CENPS: variants seen among roughly 807,000 people sequenced by gnomAD.
CENPS encodes FANCM associated histone fold protein 1.
CENPS carries 16 observed loss-of-function variants against 17.9 expected under a neutral mutation model. The observed-to-expected ratio is 0.90, with a 90% CI of 0.61 to 1.36. The LOEUF is 1.36. CENPS is among the 40% of genes most tolerant of loss of function. The pLI is 0.00. For missense variants in CENPS, 160 were observed against 158.6 expected (o/e 1.01, Z -0.05); for synonymous variants, 49 against 55.8 (o/e 0.88, Z 0.54).
intron 1 of CENPS, chr1:10,431,124 G>A (rs1193297344): frequency 8.5e-6 from 12 of 1,418,184 alleles, no homozygotes; most frequent in African/African-American, 2.9e-5. Flanking sequence ...CTGCAAAATC[G>A]TCATAAGAAT....
intron 3 of CENPS, among the ~76,000 whole-genome samples, chr1:10,436,915 C>CA (rs1388560721): frequency 1.3e-5 from 2 of 151,994 alleles, no homozygotes; most frequent in Non-Finnish European, 2.9e-5. Context: ...TGCTTTCATA[C>CA]AAAAAAGCAT....
chr1:10,442,498 A>G lies in CENPS; in HGVS notation c.*93A>G. 1 of 1,378,488 alleles carries G rather than the reference A, an allele frequency of 7.3e-7. No individual in the cohort carries two copies. Among genetic ancestry groups the G allele is most frequent in the Admixed American group, 3.0e-5 (1 of 33,600 alleles). 85.4% of individuals were successfully genotyped at this position (1,378,488 alleles called of 1,614,324 possible). A position where few individuals can be genotyped will look rare whatever the true frequency, so the allele number is the denominator to read the frequency against. On this transcript the variant is annotated 3_prime_UTR_variant, in exon 5 of 5. Transcript: ENST00000309048. ...AAGGAAACTTTGAAGGGTTAAATAGAGATTTAAAAAAATAAAATAAAAAGG... is the reference window on the plus strand; with the variant it reads ...AAGGAAACTTTGAAGGGTTAAATAGGGATTTAAAAAAATAAAATAAAAAGG...
chr1:10,442,675 C>A lies in CENPS; in HGVS notation c.*270C>A. On this transcript the variant is annotated 3_prime_UTR_variant, in exon 5 of 5. Transcript: ENST00000309048. Reference sequence around the variant, plus strand: ...ATCAAATGGTATATATTAGAAATTACATCTGTTGTAATTAAAATTGTGTGA... The same window carrying A: ...ATCAAATGGTATATATTAGAAATTAAATCTGTTGTAATTAAAATTGTGTGA... 2.9e-6 allele frequency: 1 copy of A among 350,458 alleles called. No individual in the cohort carries two copies. Among genetic ancestry groups the A allele is most frequent in the Non-Finnish European group, 4.7e-6 (1 of 214,242 alleles). The allele number at this position is 350,458 out of a possible 1,614,324, so 21.7% of individuals were successfully genotyped here. A position where few individuals can be genotyped will look rare whatever the true frequency, so the allele number is the denominator to read the frequency against.
chr1:10,438,525 G>A (rs1014510710), intron 3 of CENPS, among the ~76,000 whole-genome samples: 5 of 152,156 alleles, frequency 3.3e-5, no homozygotes, highest in Admixed American at 3.3e-4. Context: ...GAAGAAGATA[G>A]ATATTCTATA....
chr1:10,438,050 C>T (rs150900984), intron 3 of CENPS, among the ~76,000 whole-genome samples: 1,661 of 152,296 alleles, frequency 0.011, 34 homozygotes, highest in African/African-American at 0.038. Flanking sequence ...GTGTGATCCA[C>T]CATGCCTGGC....
intron 1 of CENPS, among the ~76,000 whole-genome samples, chr1:10,431,563 A>G (rs554147357): frequency 6.6e-6 from 1 of 152,224 alleles, no homozygotes; most frequent in Admixed American, 6.5e-5. Flanking sequence ...ATCTCCCAAA[A>G]ACAAGGCATT....
intron 3 of CENPS, among the ~76,000 whole-genome samples, chr1:10,438,376 C>G (rs774440276): frequency 5.3e-5 from 8 of 152,192 alleles, no homozygotes; most frequent in Non-Finnish European, 1.0e-4. Context: ...AACTCCTGAC[C>G]TCAAATGATC....
chr1:10,442,421 G>A lies in CENPS; in HGVS notation c.*16G>A, dbSNP rs1640457043. On this transcript the variant is annotated 3_prime_UTR_variant, in exon 5 of 5. Coordinates refer to ENST00000309048, the MANE Select transcript of CENPS (RefSeq NM_199294.3). ...TGAGAATTAAAGTCCCTCGCCGCTT[G>A]GAAAGTGCAGCCTTCTACAGGTAGA... is the stretch of plus-strand genomic sequence containing the variant. 1 of 1,560,152 alleles carries A rather than the reference G, an allele frequency of 6.4e-7. No individual in the cohort carries two copies. The highest frequency in any genetic ancestry group is 1.4e-5 in the African/African-American group (1 of 71,378).
intron 3 of CENPS, among the ~76,000 whole-genome samples, chr1:10,437,475 T>TTTTGTTTTG (rs71583869): frequency 6.9e-6 from 1 of 145,974 alleles, no homozygotes; most frequent in African/African-American, 2.5e-5. Flanking sequence ...TTTTTGTTTT[T>TTTTGTTTTG]AGATGGAGTC....
At position 10,430,452 on chromosome 1, in the gene CENPS, C is replaced by G; in HGVS notation, c.-66C>G. 2.0e-6 allele frequency: 3 copies of G among 1,522,714 alleles called. No homozygotes were observed. The highest frequency in any genetic ancestry group is 2.7e-5 in the East Asian group (1 of 37,052). The allele number at this position is 1,522,714 out of a possible 1,614,324, so 94.3% of individuals were successfully genotyped here. On this transcript the variant is annotated 5_prime_UTR_variant, in exon 1 of 5. Coordinates refer to ENST00000309048, the MANE Select transcript of CENPS (RefSeq NM_199294.3). ...TCGCTCGCGCCGCGGCGGGAAAATC[C>G]GACCTGGCCGCGCACCACCGCCCCT...
In CENPS at chr1:10,434,099, G is replaced by A. The variant is rs1457581538; in HGVS notation, c.175+134G>A. 45 of 1,482,530 alleles carry A rather than the reference G, an allele frequency of 3.0e-5. No homozygotes were observed. The Admixed American group carries it at 6.1e-4, about 20-fold the overall frequency. The allele number at this position is 1,482,530 out of a possible 1,614,324, so 91.8% of individuals were successfully genotyped here. A position where few individuals can be genotyped will look rare whatever the true frequency, so the allele number is the denominator to read the frequency against. Reference sequence around the variant, plus strand: ...ATATTATCATCCTCATGCGTTCTTCGTGAAACACTTCTCTTCTTGGCTGTG... The same window carrying A: ...ATATTATCATCCTCATGCGTTCTTCATGAAACACTTCTCTTCTTGGCTGTG... On this transcript the variant is annotated intron_variant, in intron 2 of 4. Transcript: ENST00000309048.
chr1:10,433,764 C>T, intron 1 of CENPS, 78 bp from the exon 2 acceptor site: 1 of 1,597,222 alleles, frequency 6.3e-7, no homozygotes, highest in Non-Finnish European at 8.5e-7. Flanking sequence ...AGACCCTCTC[C>T]TTGGTCTTCA....
At chr1:10,431,110 T>C (rs1020600226) in intron 1 of CENPS, 1 of 1,412,102 alleles carries the variant, frequency 7.1e-7, no homozygotes. Context: ...CGCAATTTTC[T>C]TCTCTGCAAA....
At chr1:10,441,471 C>T (rs1194944507) in intron 4 of CENPS, among the ~76,000 whole-genome samples, 1 of 151,508 alleles carries the variant, frequency 6.6e-6, no homozygotes, top group African/African-American at 2.4e-5. Flanking sequence ...CATGCCACCA[C>T]ACCCGGCTAT....
Position 10,430,949 on chromosome 1 carries a change from G to A in CENPS, c.51+381G>A, listed in dbSNP as rs1250101525. On this transcript the variant is annotated intron_variant, in intron 1 of 4. Transcript: ENST00000309048. ...CGCCCGTACGCGGTGGGCGGTTCGG[G>A]CCGGAGCTCTGGAACGCTGGCCCTG... The A allele has an allele frequency of 1.1e-5, 14 of 1,253,862 alleles. No individual in the cohort carries two copies. The East Asian group carries it at 5.8e-4, about 52-fold the overall frequency. 77.7% of individuals were successfully genotyped at this position (1,253,862 alleles called of 1,614,324 possible).
At chr1:10,437,548 C>T (rs1640223760) in intron 3 of CENPS, among the ~76,000 whole-genome samples, 4 of 151,572 alleles carry the variant, frequency 2.6e-5, no homozygotes, top group African/African-American at 9.7e-5. Flanking sequence ...CCTTTGCCTC[C>T]TGGGTTCAAG....
chr1:10,437,190 C>CT (rs1428122225), intron 3 of CENPS, among the ~76,000 whole-genome samples: 1 of 151,996 alleles, frequency 6.6e-6, no homozygotes, highest in Non-Finnish European at 1.5e-5. Context: ...CAGGATCTCT[C>CT]TGTTACCCAG....
chr1:10,441,325 T>C (rs1003694150), intron 4 of CENPS, among the ~76,000 whole-genome samples: 1 of 149,022 alleles, frequency 6.7e-6, no homozygotes, highest in Non-Finnish European at 1.5e-5. Context: ...TTTTTTTTTT[T>C]TTTTTTTTTT....
intron 3 of CENPS, chr1:10,440,100 CT>C (rs1472615146): frequency 3.8e-6 from 2 of 521,724 alleles, no homozygotes; most frequent in Non-Finnish European, 6.6e-6. Flanking sequence ...TGCTCTTATG[CT>C]TCGGGTACCC....
Sources: gnomAD v4.1 joint callset for allele counts (sites outside exome capture counted in the v4.1 genomes callset) on GRCh38, gnomAD v4.1.1 for gene constraint, MANE v1.5 for transcripts, NCBI Gene and HGNC (gene_info 2026-07-23, HGNC 2026-07-21) for gene names.